CCDC158: variants seen among roughly 807,000 people sequenced by gnomAD.
CCDC158 encodes coiled-coil domain-containing protein 158.
Under a neutral mutation model 138.6 loss-of-function variants are expected in CCDC158, and 116 were observed. That is an observed-to-expected ratio of 0.84 (90% confidence interval 0.72 to 0.98). The LOEUF (loss-of-function observed/expected upper bound fraction) is 0.98. Among genes scored for constraint, CCDC158 ranks in the 50% least tolerant of loss-of-function variants. The pLI is 0.00. For missense variants in CCDC158, 1,265 were observed against 1,306.1 expected (o/e 0.97, Z 0.48); for synonymous variants, 436 against 442.4 (o/e 0.99, Z 0.18).
chr4:76,371,231 AAAGTT>A (rs1161628719), intron 10 of CCDC158, among the ~76,000 whole-genome samples, 181 bp downstream of exon 10: 1 of 152,236 alleles, frequency 6.6e-6, no homozygotes, highest in African/African-American at 2.4e-5. Context: ...GCTTAAGAAA[AAAGTT>A]AAGTATACAG....
chr4:76,315,162 C>A (rs1487142451), intron 24 of CCDC158, among the ~76,000 whole-genome samples: 1 of 152,138 alleles, frequency 6.6e-6, no homozygotes, highest in Non-Finnish European at 1.5e-5. Context: ...CAGGCTTTCC[C>A]CAACTTCCTT....
At chr4:76,364,460 C>A (rs1724457421) in intron 12 of CCDC158, among the ~76,000 whole-genome samples, 1 of 152,172 alleles carries the variant, frequency 6.6e-6, no homozygotes. Flanking sequence ...GTGAAATATA[C>A]ACCAGATTTC....
chr4:76,360,636 C>T (rs1238936908), intron 13 of CCDC158, among the ~76,000 whole-genome samples: 1 of 152,234 alleles, frequency 6.6e-6, no homozygotes, highest in African/African-American at 2.4e-5. Context: ...TGCTGGGTTT[C>T]AGACTTGCAT....
At chr4:76,335,135 A>G (rs1288133625) in intron 18 of CCDC158, among the ~76,000 whole-genome samples, 5 of 152,074 alleles carry the variant, frequency 3.3e-5, no homozygotes, top group Admixed American at 6.6e-5. Context: ...CATAAATTAG[A>G]CTCCACTCAA....
intron 13 of CCDC158, among the ~76,000 whole-genome samples, chr4:76,361,182 C>G (rs190822032): frequency 6.6e-6 from 1 of 152,176 alleles, no homozygotes; most frequent in Non-Finnish European, 1.5e-5. Context: ...TCATCTTCCA[C>G]GATTTTAAGT....
chr4:76,389,147 G>T (rs1727086730), intron 4 of CCDC158, among the ~76,000 whole-genome samples: 1 of 152,004 alleles, frequency 6.6e-6, no homozygotes, highest in Non-Finnish European at 1.5e-5. Flanking sequence ...AAAAAACAGA[G>T]ATATATGACT....
intron 18 of CCDC158, chr4:76,345,593 T>G (rs1054500058): frequency 9.5e-7 from 1 of 1,047,528 alleles, no homozygotes; most frequent in Non-Finnish European, 1.5e-6. Context: ...ATAACTGATA[T>G]GCCTTCACTC....
intron 9 of CCDC158, among the ~76,000 whole-genome samples, chr4:76,378,654 T>C (rs1725941678): frequency 6.6e-6 from 1 of 151,468 alleles, no homozygotes. Flanking sequence ...CCTTGTTTGT[T>C]TTTTAGGGTC....
intron 15 of CCDC158, among the ~76,000 whole-genome samples, chr4:76,353,737 A>G (rs909394244): frequency 2.0e-5 from 3 of 152,228 alleles, no homozygotes; most frequent in Non-Finnish European, 4.4e-5. Flanking sequence ...CAGAAAAACA[A>G]ATGGGACATA....
At chr4:76,335,006 A>G (rs1721344402) in intron 18 of CCDC158, among the ~76,000 whole-genome samples, 1 of 152,210 alleles carries the variant, frequency 6.6e-6, no homozygotes. Context: ...ATAAACCAAT[A>G]TAATATCCAG....
chr4:76,342,494 C>T (rs769714799), intron 18 of CCDC158, among the ~76,000 whole-genome samples: 11 of 152,088 alleles, frequency 7.2e-5, no homozygotes, highest in Admixed American at 1.3e-4. Context: ...TTGCACTGTG[C>T]CTGGCAAAGG....
chr4:76,409,747 C>G (rs28369481), intron 2 of CCDC158, among the ~76,000 whole-genome samples: 4,448 of 152,122 alleles, frequency 0.029, 220 homozygotes, highest in African/African-American at 0.1. Flanking sequence ...AGGAGAATGG[C>G]GTGAACCCGG....
At chr4:76,363,394 G>T (rs1724347907) in intron 12 of CCDC158, among the ~76,000 whole-genome samples, 1 of 152,138 alleles carries the variant, frequency 6.6e-6, no homozygotes, top group Non-Finnish European at 1.5e-5. Context: ...TTTTCCTTTT[G>T]CTGATTTTGC....
At chr4:76,325,775 C>G (rs950852191) in intron 23 of CCDC158, 82 bp downstream of exon 23, 34 of 1,271,210 alleles carry the variant, frequency 2.7e-5, no homozygotes, top group Non-Finnish European at 3.5e-5. Context: ...CATGCAAAAC[C>G]TTAATTCTGA....
At chr4:76,345,271 T>C in intron 18 of CCDC158, 1 of 944,198 alleles carries the variant, frequency 1.1e-6, no homozygotes, top group African/African-American at 1.6e-5. Flanking sequence ...CGATACTACA[T>C]GCTCAACATC....
chr4:76,349,313 G>A (rs922037618), intron 18 of CCDC158, among the ~76,000 whole-genome samples: 1 of 152,180 alleles, frequency 6.6e-6, no homozygotes, highest in Non-Finnish European at 1.5e-5. Flanking sequence ...ATTGTATAAA[G>A]CATGTCTGAC....
chr4:76,408,283 C>T (rs1443029314), intron 2 of CCDC158, among the ~76,000 whole-genome samples: 1 of 151,872 alleles, frequency 6.6e-6, no homozygotes, highest in East Asian at 1.9e-4. Flanking sequence ...GTGAGCTGCA[C>T]CCATTAACTT....
chr4:76,366,385 A>G (rs964143194), intron 12 of CCDC158, among the ~76,000 whole-genome samples: 1 of 152,248 alleles, frequency 6.6e-6, no homozygotes, highest in African/African-American at 2.4e-5. Context: ...TGAAGCATCT[A>G]CAGTATATGT....
At chr4:76,355,577 C>G in intron 14 of CCDC158, 141 bp from the exon 15 acceptor site, 2 of 642,578 alleles carry the variant, frequency 3.1e-6, no homozygotes, top group Non-Finnish European at 5.6e-6. Context: ...AGATCATGGA[C>G]GAATGTCTTC....
Sources: allele counts gnomAD v4.1 joint callset (sites outside exome capture counted in the v4.1 genomes callset), GRCh38; gene constraint gnomAD v4.1.1; transcripts MANE v1.5; gene names NCBI Gene and HGNC (gene_info 2026-07-23, HGNC 2026-07-21).